Variants in CDH15 observed in about 807,000 individuals in gnomAD.
CDH15 encodes the protein cadherin 15, also known as cadherin-15.
Under a neutral mutation model 69.4 loss-of-function variants are expected in CDH15, and 73 were observed. That is an observed-to-expected ratio of 1.05 (90% confidence interval 0.87 to 1.28). The LOEUF (loss-of-function observed/expected upper bound fraction) is 1.28, where lower values mean the gene tolerates loss of function less well. Ranked by LOEUF, CDH15 falls within the 50% of genes most tolerant of loss-of-function variation. The pLI, the probability that CDH15 is intolerant of heterozygous loss-of-function variation, is 0.00. For synonymous variants in CDH15, 624 were observed against 507.7 expected, an observed-to-expected ratio of 1.23 and a Z score of -3.08; for missense variants, 1,343 against 1,133.6, an observed-to-expected ratio of 1.18 and a Z score of -2.65.
intron 7 of CDH15, among the ~76,000 whole-genome samples, chr16:89,188,981 A>G (rs997784982): frequency 7.0e-6 from 1 of 143,758 alleles, no homozygotes; most frequent in Non-Finnish European, 1.5e-5. Flanking sequence ...ATAGATGCCC[A>G]CACACAGACA....
chr16:89,191,713 C>T lies in CDH15; in HGVS notation c.1434C>T (p.Asp478=), dbSNP rs1252287745. ...CCATCGAGATCCTGGAGGTGAACGA[C>T]CATGCACCTGTGCTGGCCCCGCCGC... ...TLSIEILEVN[D]HAPVLAPPPP... The change falls in exon 10 of 14, where the codon GAC becomes GAT. Residue 478 remains aspartate, a synonymous_variant. Transcript: ENST00000289746. 2 of 1,603,604 alleles carry T rather than the reference C, an allele frequency of 1.2e-6. No homozygotes were observed. The highest frequency in any genetic ancestry group is 2.2e-5 in the South Asian group (2 of 90,744).
intron 1 of CDH15, 114 bp from the exon 2 acceptor site, chr16:89,179,302 G>A: frequency 8.0e-7 from 1 of 1,256,004 alleles, no homozygotes; most frequent in Non-Finnish European, 1.1e-6. Context: ...CGACCCGTGG[G>A]CTGAGGGAAA....
In CDH15 at chr16:89,182,317, G is replaced by C. The variant is rs541864906; in HGVS notation, c.358-1231G>C. Reference sequence around the variant, plus strand: ...CCCTCTCCCAGCCTGCCCTCTCCCAGCCTGTCCTCCCCCAGCCTGCCCTCT... The same window carrying C: ...CCCTCTCCCAGCCTGCCCTCTCCCACCCTGTCCTCCCCCAGCCTGCCCTCT... On this transcript the variant is annotated intron_variant, in intron 3 of 13. Transcript: ENST00000289746. Among the ~76,000 whole-genome samples the C allele has an allele frequency of 3.5e-5, 5 of 142,454 alleles. No homozygotes were observed. The South Asian group carries it at 9.3e-4, about 27-fold the overall frequency. 93.5% of individuals were successfully genotyped at this position (142,454 alleles called of 152,430 possible).
intron 4 of CDH15, among the ~76,000 whole-genome samples, chr16:89,184,093 C>T (rs1286477255): frequency 7.2e-5 from 11 of 152,176 alleles, no homozygotes; most frequent in Non-Finnish European, 1.3e-4. Context: ...CACGGGGACT[C>T]GCTCCCACCT....
chr16:89,186,350 G>C (rs1380658269), intron 5 of CDH15, among the ~76,000 whole-genome samples: 1 of 136,550 alleles, frequency 7.3e-6, no homozygotes, highest in East Asian at 2.4e-4. Context: ...GGCTCACCCA[G>C]CGCACAGAAG....
chr16:89,180,290 G>C lies in CDH15; in HGVS notation c.292G>C (p.Asp98His), dbSNP rs149963083. 3 of 1,611,594 alleles carry C rather than the reference G, an allele frequency of 1.9e-6. No individual in the cohort carries two copies. The highest frequency in any genetic ancestry group is 1.1e-5 in the South Asian group (1 of 90,650). ...DEEPRGVFSIDKFTGKVFLNA... is the reference protein window; with the variant it reads ...DEEPRGVFSIHKFTGKVFLNA... ...GGAGCCCCGGGGCGTCTTCTCTATCGACAAGTTCACAGGGAAGGTCTTCCT... is the reference window on the plus strand; with the variant it reads ...GGAGCCCCGGGGCGTCTTCTCTATCCACAAGTTCACAGGGAAGGTCTTCCT... Residue 98 changes from aspartate to histidine, a missense_variant, in exon 3 of 14, where the codon GAC becomes CAC. Coordinates refer to ENST00000289746, the MANE Select transcript of CDH15 (RefSeq NM_004933.3).
chr16:89,191,290 G>C (rs761404130), intron 8 of CDH15, 40 bp from the exon 9 acceptor site: 3 of 1,611,790 alleles, frequency 1.9e-6, no homozygotes, highest in African/African-American at 2.7e-5. Context: ...TGGGGCCCTG[G>C]GGTAAACTCA....
chr16:89,193,854 C>A lies in CDH15; in HGVS notation c.2092C>A (p.Pro698Thr). The A allele has an allele frequency of 6.2e-7, 1 of 1,611,840 alleles. No homozygotes were observed. The highest frequency in any genetic ancestry group is 1.7e-5 in the Admixed American group (1 of 59,996). Residue 698 changes from proline to threonine, a missense_variant, in exon 13 of 14, where the codon CCC (proline) becomes ACC (threonine). Pro to Thr is a conservative substitution (Grantham distance 38). Transcript: ENST00000289746. The stretch of plus-strand genomic sequence containing the variant: ...AGATGCCCCGCAGGGCCGCCTGCAC[C>A]CCCAGCCACCCCGAGTGCTGCCCAC... ...RRDAPQGRLH[P>T]QPPRVLPTSP... is the part of the protein sequence containing the mutation.
chr16:89,187,424 C>A lies in CDH15; in HGVS notation c.664-5C>A. The A allele has an allele frequency of 6.2e-7, 1 of 1,612,666 alleles. No individual in the cohort carries two copies. Among genetic ancestry groups the A allele is most frequent in the Non-Finnish European group, 8.5e-7 (1 of 1,180,006 alleles). ...ATCTTCTGACCCTGTGCCCCACATC[C>A]CCAGGTGGTCGCGGTGTACAATCTG... On this transcript the variant is annotated splice_region_variant and splice_polypyrimidine_tract_variant and intron_variant, in intron 5 of 13. Transcript: ENST00000289746.
At position 89,192,377 on chromosome 16, in the gene CDH15, G is replaced by C; in HGVS notation, c.1788G>C (p.Leu596=). 2 of 1,536,514 alleles carry C rather than the reference G, an allele frequency of 1.3e-6. No homozygotes were observed. Among genetic ancestry groups the C allele is most frequent in the Non-Finnish European group, 1.7e-6 (2 of 1,147,544 alleles). The stretch of plus-strand genomic sequence containing the variant: ...GCCTGCCGGGGGCCGCAGCGCTGCT[G>C]GCGGGGGGCACAGGCCTCAGCCTGG... ...GVCLPGAAAL[L]AGGTGLSLGA... Residue 596 remains leucine, a synonymous_variant, in exon 11 of 14, where the codon CTG becomes CTC. Coordinates refer to ENST00000289746, the MANE Select transcript of CDH15 (RefSeq NM_004933.3).
intron 4 of CDH15, among the ~76,000 whole-genome samples, chr16:89,184,179 C>G (rs905270472): frequency 2.0e-5 from 3 of 152,182 alleles, no homozygotes; most frequent in African/African-American, 7.2e-5. Flanking sequence ...GGACTGTGGC[C>G]AGGCCTGGCC....
rs372868644 is a variant in CDH15 at position 89,171,947 on chromosome 16, G to T, written c.42+74G>T. 1.2e-4 allele frequency: 172 copies of T among 1,426,464 alleles called. 1 individual carries two copies. In the Middle Eastern group the frequency reaches 1.2e-3, roughly 10 times the overall value. The allele number at this position is 1,426,464 out of a possible 1,614,324, so 88.4% of individuals were successfully genotyped here. ...CGGGACAGTGTCTTCAACTGCAGCCGCACAGGTCTCCCCCAGAACCACTGG... is the reference window on the plus strand; with the variant it reads ...CGGGACAGTGTCTTCAACTGCAGCCTCACAGGTCTCCCCCAGAACCACTGG... On this transcript the variant is annotated intron_variant, in intron 1 of 13. Transcript: ENST00000289746.
intron 13 of CDH15, 141 bp from the exon 14 acceptor site, chr16:89,194,721 C>A (rs1185687599): frequency 2.4e-6 from 2 of 824,844 alleles, no homozygotes; most frequent in Non-Finnish European, 4.0e-6. Context: ...TTTGCCTCCC[C>A]TCAGACCTCG....
At chr16:89,179,714 AGGGCTCT>A in intron 2 of CDH15, 140 bp downstream of exon 2, 1 of 872,182 alleles carries the variant, frequency 1.1e-6, no homozygotes, top group Non-Finnish European at 1.7e-6. Context: ...CCACCTTGCC[AGGGCTCT>A]GGGCTTCCAA....
At chr16:89,187,652 C>A in intron 6 of CDH15, 95 bp downstream of exon 6, 2 of 1,538,946 alleles carry the variant, frequency 1.3e-6, no homozygotes, top group South Asian at 1.1e-5. Flanking sequence ...CATGATGGGG[C>A]AGGAGGATGG....
intron 1 of CDH15, among the ~76,000 whole-genome samples, chr16:89,177,664 C>T (rs1381574552): frequency 1.3e-5 from 2 of 152,182 alleles, no homozygotes; most frequent in African/African-American, 4.8e-5. Flanking sequence ...GCCCTGGCCC[C>T]TGCTGCCCTC....
Position 89,180,332 on chromosome 16 carries a change from C to G in CDH15, c.334C>G (p.Arg112Gly), listed in dbSNP as rs201228695. ...GKVFLNAMLD[R>G]EKTDRFRLRA... is the part of the protein sequence containing the mutation. ...GGTCTTCCTCAATGCCATGCTGGAC[C>G]GCGAGAAGACTGATCGCTTCAGGGT... The change falls in exon 3 of 14, where the codon CGC (arginine) becomes GGC (glycine). Residue 112 changes from arginine to glycine, a missense_variant. Coordinates refer to ENST00000289746, the MANE Select transcript of CDH15 (RefSeq NM_004933.3). 6.2e-7 allele frequency: 1 copy of G among 1,612,534 alleles called. No homozygotes were observed. Among genetic ancestry groups the G allele is most frequent in the Non-Finnish European group, 8.5e-7 (1 of 1,179,604 alleles).
intron 2 of CDH15, 90 bp from the exon 3 acceptor site, chr16:89,180,110 T>G: frequency 7.0e-7 from 1 of 1,427,192 alleles, no homozygotes; most frequent in Non-Finnish European, 9.7e-7. Context: ...CCTGCCCTGC[T>G]GTCAGCTGGG....
chr16:89,192,317 C>T lies in CDH15; in HGVS notation c.1728C>T (p.Asn576=), dbSNP rs749673851. ...QPPQQREQPL[N]VTVCRCGKDG... is the part of the protein sequence containing the mutation. Reference sequence around the variant, plus strand: ...CCCAGCAGCGCGAGCAGCCTCTGAACGTGACCGTGTGCCGCTGCGGCAAGG... The same window carrying T: ...CCCAGCAGCGCGAGCAGCCTCTGAATGTGACCGTGTGCCGCTGCGGCAAGG... The change falls in exon 11 of 14, where the codon AAC becomes AAT. Residue 576 remains asparagine (N), a synonymous_variant. Transcript: ENST00000289746. 3.9e-4 allele frequency: 598 copies of T among 1,535,594 alleles called. 2 individuals carry two copies. The highest frequency in any genetic ancestry group is 9.9e-4 in the Middle Eastern group (5 of 5,076).
Sources: allele counts gnomAD v4.1 joint callset (sites outside exome capture counted in the v4.1 genomes callset), GRCh38; gene constraint gnomAD v4.1.1; transcripts MANE v1.5; gene names NCBI Gene and HGNC (gene_info 2026-07-23, HGNC 2026-07-21).